The following DTNBP1 variants were observed in gnomAD, a reference collection of about 807,000 sequenced individuals.
DTNBP1 encodes the protein dystrobrevin binding protein 1, also known as dysbindin.
In DTNBP1, 35 loss-of-function variants were observed where a neutral mutation model predicts 42.8. The ratio of observed to expected loss-of-function variants is 0.82; its 90% CI spans 0.63 to 1.09. The LOEUF (loss-of-function observed/expected upper bound fraction) is 1.09, where lower values mean the gene tolerates loss of function less well. DTNBP1 is among the 50% of genes least tolerant of loss of function. The pLI, the probability that DTNBP1 is intolerant of heterozygous loss-of-function variation, is 0.00. For synonymous variants in DTNBP1, 171 were observed against 162.2 expected (o/e 1.05, Z -0.41); for missense variants, 457 against 424.2 (o/e 1.08, Z -0.68).
intron 1 of DTNBP1, among the ~76,000 whole-genome samples, chr6:15,657,968 T>G (rs1761378892): frequency 6.6e-6 from 1 of 152,230 alleles, no homozygotes; most frequent in South Asian, 2.1e-4. Flanking sequence ...AAATGCATCC[T>G]AACTAATGAC....
At chr6:15,534,568 G>C (rs1773096989) in intron 7 of DTNBP1, among the ~76,000 whole-genome samples, 1 of 149,822 alleles carries the variant, frequency 6.7e-6, no homozygotes, top group Non-Finnish European at 1.5e-5. Flanking sequence ...ACTGAGGCAG[G>C]AGAATCACTT....
At chr6:15,542,494 C>T (rs1773628235) in intron 7 of DTNBP1, among the ~76,000 whole-genome samples, 1 of 152,002 alleles carries the variant, frequency 6.6e-6, no homozygotes, top group Non-Finnish European at 1.5e-5. Flanking sequence ...GCCTCAGCCT[C>T]CTGAGTAGCT....
intron 1 of DTNBP1, among the ~76,000 whole-genome samples, chr6:15,662,233 C>T (rs1340008232): frequency 1.3e-5 from 2 of 152,260 alleles, no homozygotes; most frequent in Admixed American, 1.3e-4. Flanking sequence ...GCTGAGCTCA[C>T]GGCAAAGGTA....
At chr6:15,538,294 C>A (rs529879215) in intron 7 of DTNBP1, among the ~76,000 whole-genome samples, 16 of 152,044 alleles carry the variant, frequency 1.1e-4, no homozygotes, top group African/African-American at 3.4e-4. Flanking sequence ...GAGGGGGCCA[C>A]GTGGAAAGGA....
intron 7 of DTNBP1, among the ~76,000 whole-genome samples, chr6:15,581,561 A>G (rs1454456373): frequency 6.8e-6 from 1 of 146,948 alleles, no homozygotes; most frequent in Non-Finnish European, 1.5e-5. Flanking sequence ...GCTCACTGCA[A>G]CCTCTGCCTC....
At chr6:15,549,241 C>G (rs1039208674) in intron 7 of DTNBP1, among the ~76,000 whole-genome samples, 56 of 152,226 alleles carry the variant, frequency 3.7e-4, no homozygotes, top group African/African-American at 1.3e-3. Context: ...AATCCGAGCA[C>G]TTTGGGAGGC....
chr6:15,541,139 A>G (rs1773537300), intron 7 of DTNBP1, among the ~76,000 whole-genome samples: 2 of 152,198 alleles, frequency 1.3e-5, no homozygotes, highest in Non-Finnish European at 1.5e-5. Flanking sequence ...ACCAGCCACT[A>G]TTCAGGATGA....
At chr6:15,662,546 AC>A (rs71535046) in intron 1 of DTNBP1, among the ~76,000 whole-genome samples, 14 of 150,680 alleles carry the variant, frequency 9.3e-5, no homozygotes, top group Middle Eastern at 3.4e-3. Context: ...AGGGTCCCAC[AC>A]CCCCCCCGGG....
At chr6:15,662,698 A>C in intron 1 of DTNBP1, 116 bp downstream of exon 1, 14 of 1,338,372 alleles carry the variant, frequency 1.0e-5, no homozygotes, top group South Asian at 1.2e-5. Context: ...CGGGGCGGGG[A>C]GGTGCGGGAC....
chr6:15,646,465 G>A (rs1235056285), intron 3 of DTNBP1, among the ~76,000 whole-genome samples: 1 of 151,474 alleles, frequency 6.6e-6, no homozygotes, highest in African/African-American at 2.4e-5. Flanking sequence ...CAGATTCAGT[G>A]CAATTCCCAT....
At chr6:15,651,505 T>A (rs940252421) in intron 2 of DTNBP1, 142 bp from the exon 3 acceptor site, 17 of 1,196,078 alleles carry the variant, frequency 1.4e-5, no homozygotes, top group Non-Finnish European at 2.0e-5. Context: ...TTTAGAGAAA[T>A]GTGTTTTATT....
chr6:15,533,649 A>G, intron 7 of DTNBP1: 1 of 629,410 alleles, frequency 1.6e-6, no homozygotes, highest in Non-Finnish European at 2.9e-6. Context: ...TGCTGGAACG[A>G]CCTTCCCACC....
intron 6 of DTNBP1, among the ~76,000 whole-genome samples, chr6:15,612,323 G>A (rs763284466): frequency 2.0e-5 from 3 of 152,110 alleles, no homozygotes; most frequent in South Asian, 4.2e-4. Context: ...ACTACATACT[G>A]TATAAACATA....
At chr6:15,523,576 TACC>T in intron 9 of DTNBP1, 2 of 1,255,656 alleles carry the variant, frequency 1.6e-6, no homozygotes, top group Admixed American at 2.8e-5. Context: ...TTTTTTTTTT[TACC>T]CTTTGCAGTA....
At chr6:15,541,574 T>C (rs1038636829) in intron 7 of DTNBP1, among the ~76,000 whole-genome samples, 2 of 151,994 alleles carry the variant, frequency 1.3e-5, no homozygotes, top group Non-Finnish European at 2.9e-5. Context: ...CTACGACGAG[T>C]CAAGAGTAAT....
At chr6:15,575,964 G>A (rs1366433502) in intron 7 of DTNBP1, among the ~76,000 whole-genome samples, 2 of 152,206 alleles carry the variant, frequency 1.3e-5, no homozygotes, top group Non-Finnish European at 2.9e-5. Context: ...AGACACAGAG[G>A]AGGAGGAGAC....
chr6:15,546,209 G>A (rs900883213), intron 7 of DTNBP1: 57 of 320,166 alleles, frequency 1.8e-4, no homozygotes, highest in Non-Finnish European at 8.7e-5. Flanking sequence ...GGGATTACAG[G>A]CGCGTACCAC....
intron 3 of DTNBP1, among the ~76,000 whole-genome samples, chr6:15,646,785 A>G (rs1760705810): frequency 6.6e-6 from 1 of 152,144 alleles, no homozygotes; most frequent in Non-Finnish European, 1.5e-5. Context: ...ACCCTATTCA[A>G]TAAATGGTGC....
At chr6:15,590,544 C>T (rs1776254643) in intron 7 of DTNBP1, among the ~76,000 whole-genome samples, 1 of 152,172 alleles carries the variant, frequency 6.6e-6, no homozygotes, top group Admixed American at 6.5e-5. Flanking sequence ...ATGTACTCTA[C>T]ATGTGCTTAC....
Sources: gnomAD v4.1 joint callset for allele counts (sites outside exome capture counted in the v4.1 genomes callset) on GRCh38, gnomAD v4.1.1 for gene constraint, MANE v1.5 for transcripts, NCBI Gene and HGNC (gene_info 2026-07-23, HGNC 2026-07-21) for gene names.